Variants in PXDN observed in about 807,000 individuals in gnomAD.
PXDN encodes peroxidasin homolog.
Under a neutral mutation model 140.3 loss-of-function variants are expected in PXDN, and 77 were observed. That is an observed-to-expected ratio of 0.55 (90% CI 0.46 to 0.66). The LOEUF (loss-of-function observed/expected upper bound fraction) is 0.66, where lower values mean the gene tolerates loss of function less well. PXDN is among the 30% of genes least tolerant of loss of function. The probability of loss-of-function intolerance (pLI) is 0.00; values close to 1 mark genes in which losing one functional copy is unlikely to be tolerated. For missense variants in PXDN, 1,838 were observed against 2,039.5 expected, an observed-to-expected ratio of 0.90 and a Z score of 1.90; for synonymous variants, 911 against 857.4, an observed-to-expected ratio of 1.06 and a Z score of -1.09.
chr2:1,679,296 TG>T (rs1313690689), intron 7 of PXDN, among the ~76,000 whole-genome samples: 1 of 150,820 alleles, frequency 6.6e-6, no homozygotes, highest in African/African-American at 2.4e-5. Context: ...TGTGTGTGGA[TG>T]GTTTATGTCT....
chr2:1,728,257 A>G (rs1268176442), intron 1 of PXDN, among the ~76,000 whole-genome samples: 1 of 152,216 alleles, frequency 6.6e-6, no homozygotes, highest in East Asian at 1.9e-4. Context: ...GTTCTCAACA[A>G]CTAATGTAAA....
Position 1,684,069 on chromosome 2 carries a change from A to G in PXDN, c.488+11T>C. The G allele has an allele frequency of 6.4e-7, 1 of 1,570,358 alleles. No individual in the cohort carries two copies. The highest frequency in any genetic ancestry group is 1.4e-5 in the African/African-American group (1 of 73,988). Reference sequence around the variant, plus strand: ...TGTGAATGGAAAGGCAAGGAACAACACACAACTCACAGCCTCTCGAGCTTC... The same window carrying G: ...TGTGAATGGAAAGGCAAGGAACAACGCACAACTCACAGCCTCTCGAGCTTC... On this transcript the variant is annotated intron_variant, in intron 5 of 22. Transcript: ENST00000252804.
At chr2:1,737,819 G>A (rs76356141) in intron 1 of PXDN, among the ~76,000 whole-genome samples, 1 of 152,180 alleles carries the variant, frequency 6.6e-6, no homozygotes, top group Admixed American at 6.5e-5. Context: ...GATTACAGGT[G>A]TGAGCCTCCA....
chr2:1,642,585 C>A (rs1271055542), intron 19 of PXDN, among the ~76,000 whole-genome samples: 4 of 152,234 alleles, frequency 2.6e-5, no homozygotes, highest in Non-Finnish European at 5.9e-5. Flanking sequence ...AGAGTGAGTG[C>A]TCCACAACTT....
At chr2:1,663,065 C>T (rs796331080) in intron 12 of PXDN, among the ~76,000 whole-genome samples, 2 of 152,268 alleles carry the variant, frequency 1.3e-5, no homozygotes, top group Admixed American at 6.5e-5. Context: ...CTGATTCTAT[C>T]GGGAGGGATA....
At chr2:1,654,207 C>T (rs890938539) in intron 15 of PXDN, among the ~76,000 whole-genome samples, 193 bp downstream of exon 15, 19 of 152,220 alleles carry the variant, frequency 1.2e-4, no homozygotes, top group Non-Finnish European at 2.9e-5. Flanking sequence ...GAAAAGCACA[C>T]ATCCTTCTGT....
At chr2:1,696,812 C>T (rs1684310656) in intron 1 of PXDN, among the ~76,000 whole-genome samples, 1 of 152,132 alleles carries the variant, frequency 6.6e-6, no homozygotes, top group African/African-American at 2.4e-5. Flanking sequence ...CCTCAGAAAC[C>T]CTCCTGCTCC....
Position 1,651,744 on chromosome 2 carries a change from C to A in PXDN, c.2104+1884G>T, listed in dbSNP as rs1445425638. Among the ~76,000 whole-genome samples, 4 of 152,208 alleles carry A rather than the reference C, an allele frequency of 2.6e-5. No individual in the cohort carries two copies. The highest frequency in any genetic ancestry group is 4.8e-5 in the African/African-American group (2 of 41,458). On this transcript the variant is annotated intron_variant, in intron 16 of 22. Coordinates refer to ENST00000252804, the MANE Select transcript of PXDN (RefSeq NM_012293.3). The surrounding 1 kb of genome is among the most constrained non-coding windows in gnomAD (Gnocchi z 4.4). Reference sequence around the variant, plus strand: ...ACCTTCGCCCATGGGGAACAGCACCCCATCCCAGCCAGGGCACCACCCACC... The same window carrying A: ...ACCTTCGCCCATGGGGAACAGCACCACATCCCAGCCAGGGCACCACCCACC...
In PXDN at chr2:1,643,503, T is replaced by G; in HGVS notation, c.3817A>C (p.Ile1273Leu). 1.9e-6 allele frequency: 3 copies of G among 1,613,912 alleles called. No homozygotes were observed. Among genetic ancestry groups the G allele is most frequent in the Non-Finnish European group, 2.5e-6 (3 of 1,179,900 alleles). ...ATGTTGTCCGCGTTGTCGCATAGGA[T>G]CCTGGCCAGCGACGTCTGCTTGATC... ...TQIKQTSLAR[I>L]LCDNADNITR... is the part of the protein sequence containing the mutation. Residue 1273 changes from isoleucine (I) to leucine (L), a missense_variant, in exon 19 of 23, where the codon ATC becomes CTC. By Grantham distance (5) the Ile-to-Leu change is conservative (BLOSUM62 2). This residue lies in a region of PXDN where 850 missense variants were observed against 894.1 expected (regional missense o/e 0.95). Transcript: ENST00000252804.
rs1683969008 is a variant in PXDN, at chr2:1,683,508, GGA to G, written c.560+146_560+147del. ...CATGTTTTTCATTTTGCTCTCTAATGGATTCAATCCACCCTCCATATATTCTC... is the reference window on the plus strand; with the variant it reads ...CATGTTTTTCATTTTGCTCTCTAATGTTCAATCCACCCTCCATATATTCTC... On this transcript the variant is annotated intron_variant, in intron 6 of 22. Coordinates refer to ENST00000252804, the MANE Select transcript of PXDN (RefSeq NM_012293.3). 5.1e-5 allele frequency: 39 copies of G among 767,316 alleles called. 1 individual carries two copies. The South Asian group carries it at 8.0e-4, about 16-fold the overall frequency. The allele number at this position is 767,316 out of a possible 1,614,324, so 47.5% of individuals were successfully genotyped here.
intron 17 of PXDN, among the ~76,000 whole-genome samples, chr2:1,647,015 C>T (rs2125409267): frequency 6.6e-6 from 1 of 152,264 alleles, no homozygotes; most frequent in East Asian, 1.9e-4. Flanking sequence ...CCTGCTCAGC[C>T]TCCCGAGTAG....
chr2:1,739,252 C>T (rs749115365), intron 1 of PXDN, among the ~76,000 whole-genome samples: 2 of 152,074 alleles, frequency 1.3e-5, no homozygotes, highest in South Asian at 2.1e-4. Context: ...TTAGCTCTGT[C>T]GGAAGGGAAC....
At chr2:1,635,686 C>T in intron 21 of PXDN, 165 bp from the exon 22 acceptor site, 3 of 647,738 alleles carry the variant, frequency 4.6e-6, no homozygotes, top group Non-Finnish European at 8.3e-6. Context: ...CCTTATTAGA[C>T]TGGCGGCAGC....
chr2:1,733,066 A>T (rs1438925814), intron 1 of PXDN, among the ~76,000 whole-genome samples: 2 of 152,204 alleles, frequency 1.3e-5, no homozygotes, highest in African/African-American at 4.8e-5. Flanking sequence ...AAGGCACAGT[A>T]ACAAAAAATT....
chr2:1,737,736 G>A (rs1685453706), intron 1 of PXDN, among the ~76,000 whole-genome samples: 1 of 152,006 alleles, frequency 6.6e-6, no homozygotes, highest in Non-Finnish European at 1.5e-5. Flanking sequence ...ATGGGGTTTT[G>A]CCATGTTGGG....
At chr2:1,702,057 A>G (rs1010147929) in intron 1 of PXDN, among the ~76,000 whole-genome samples, 2 of 152,130 alleles carry the variant, frequency 1.3e-5, no homozygotes, top group Non-Finnish European at 2.9e-5. Context: ...GTAAGACATA[A>G]CACGCCCACT....
chr2:1,731,380 G>C (rs573874506), intron 1 of PXDN, among the ~76,000 whole-genome samples: 1 of 150,816 alleles, frequency 6.6e-6, no homozygotes, highest in African/African-American at 2.4e-5. Context: ...CCTTGCATCT[G>C]GGTTGAGACG....
chr2:1,693,916 G>A (rs930337435), intron 1 of PXDN, among the ~76,000 whole-genome samples: 2 of 152,232 alleles, frequency 1.3e-5, no homozygotes, highest in East Asian at 3.9e-4. Context: ...CACGGGCCTG[G>A]GGGCAGCACA....
At chr2:1,643,624 A>G in intron 18 of PXDN, 48 bp from the exon 19 acceptor site, 1 of 1,595,308 alleles carries the variant, frequency 6.3e-7, no homozygotes, top group Non-Finnish European at 8.6e-7. Flanking sequence ...CAGGAGACTC[A>G]CAGGTCACTA....
Sources: allele counts gnomAD v4.1 joint callset (sites outside exome capture counted in the v4.1 genomes callset), GRCh38; gene constraint gnomAD v4.1.1; regional missense constraint gnomAD v4.1.1; non-coding constraint Gnocchi (gnomAD v3.1); transcripts MANE v1.5; gene names NCBI Gene and HGNC (gene_info 2026-07-23, HGNC 2026-07-21).